KLHL28: variants seen among roughly 807,000 people sequenced by gnomAD.
The protein encoded by KLHL28 is kelch like family member 28, also known as kelch-like protein 28.
A neutral mutation model predicts 48.3 loss-of-function variants in KLHL28; 22 were observed. That is an observed-to-expected ratio of 0.46 (90% CI 0.33 to 0.65). The LOEUF (loss-of-function observed/expected upper bound fraction) is 0.65. Among genes scored for constraint, KLHL28 ranks in the 30% least tolerant of loss-of-function variants. The pLI is 0.03. For synonymous variants in KLHL28, 243 were observed against 242.4 expected, an observed-to-expected ratio of 1.00 and a Z score of -0.02; for missense variants, 527 against 704.3, an observed-to-expected ratio of 0.75 and a Z score of 2.85.
At chr14:44,944,284 A>G (rs904384856) in intron 2 of KLHL28, among the ~76,000 whole-genome samples, 3 of 152,204 alleles carry the variant, frequency 2.0e-5, no homozygotes, top group African/African-American at 7.2e-5. Flanking sequence ...CCCACTAGCT[A>G]TTTTTATAAA....
chr14:44,938,790 G>T (rs1384912567), intron 2 of KLHL28, among the ~76,000 whole-genome samples: 2 of 152,196 alleles, frequency 1.3e-5, no homozygotes, highest in Non-Finnish European at 2.9e-5. Flanking sequence ...CCATAACTTT[G>T]CTGGGCTTAG....
At position 44,927,895 on chromosome 14, in the gene KLHL28, C is replaced by A. The variant is rs750944430; in HGVS notation, c.*1133G>T. 6.6e-6 allele frequency: 1 copy of A among 152,508 alleles called. No individual in the cohort carries two copies. Among genetic ancestry groups the A allele is most frequent in the Non-Finnish European group, 1.5e-5 (1 of 67,992 alleles). The allele number at this position is 152,508 out of a possible 1,614,324, so 9.4% of individuals were successfully genotyped here. A position where few individuals can be genotyped will look rare whatever the true frequency, so the allele number is the denominator to read the frequency against. Reference sequence around the variant, plus strand: ...ATCAAAAGTGTAACTTTCTTTAAATCACTATTCAGGAACCATGAAAAGCAT... The same window carrying A: ...ATCAAAAGTGTAACTTTCTTTAAATAACTATTCAGGAACCATGAAAAGCAT... On this transcript the variant is annotated 3_prime_UTR_variant, in exon 5 of 5. Coordinates refer to ENST00000396128, the MANE Select transcript of KLHL28 (RefSeq NM_017658.5).
chr14:44,935,078 A>C (rs1883751951), intron 2 of KLHL28, among the ~76,000 whole-genome samples: 1 of 152,230 alleles, frequency 6.6e-6, no homozygotes, highest in South Asian at 2.1e-4. Context: ...GAAACAATCC[A>C]AATGTTTATC....
intron 1 of KLHL28, among the ~76,000 whole-genome samples, chr14:44,960,320 T>C (rs1055950918): frequency 2.0e-5 from 3 of 152,210 alleles, no homozygotes; most frequent in African/African-American, 7.2e-5. Flanking sequence ...AGTTCTTGGA[T>C]ACAAGAAAGA....
intron 1 of KLHL28, among the ~76,000 whole-genome samples, chr14:44,950,530 C>T (rs1230952519): frequency 1.3e-5 from 2 of 152,164 alleles, no homozygotes; most frequent in Non-Finnish European, 2.9e-5. Flanking sequence ...TAAATACACA[C>T]ATACATGTAT....
intron 1 of KLHL28, among the ~76,000 whole-genome samples, chr14:44,948,807 A>G (rs1372325870): frequency 6.6e-6 from 1 of 152,036 alleles, no homozygotes; most frequent in Non-Finnish European, 1.5e-5. Flanking sequence ...CCTTTCCTCC[A>G]ATTCAAATTC....
At chr14:44,931,723 A>T (rs1883596797) in intron 3 of KLHL28, among the ~76,000 whole-genome samples, 182 bp from the exon 4 acceptor site, 2 of 152,220 alleles carry the variant, frequency 1.3e-5, no homozygotes, top group South Asian at 4.1e-4. Context: ...CTTACCTTGT[A>T]AACAAGGTGC....
intron 1 of KLHL28, among the ~76,000 whole-genome samples, chr14:44,960,247 G>C (rs984719449): frequency 6.6e-6 from 1 of 152,176 alleles, no homozygotes. Flanking sequence ...TAAGACTTTC[G>C]AAGTTCCTTT....
intron 2 of KLHL28, among the ~76,000 whole-genome samples, chr14:44,943,237 A>G (rs561424911): frequency 6.6e-6 from 1 of 152,364 alleles, no homozygotes; most frequent in South Asian, 2.1e-4. Context: ...TTACTAATAT[A>G]ATTTACTTTA....
At chr14:44,944,179 A>C (rs978196518) in intron 2 of KLHL28, among the ~76,000 whole-genome samples, 1 of 152,246 alleles carries the variant, frequency 6.6e-6, no homozygotes, top group Non-Finnish European at 1.5e-5. Context: ...AGAAAAAGCA[A>C]AAATAACTTC....
intron 1 of KLHL28, among the ~76,000 whole-genome samples, chr14:44,949,549 G>C (rs1241221566): frequency 1.3e-5 from 2 of 152,060 alleles, no homozygotes; most frequent in African/African-American, 4.8e-5. Flanking sequence ...ATGAGGCCTA[G>C]AGGGATGCTT....
At chr14:44,957,995 A>G (rs370176029) in intron 1 of KLHL28, among the ~76,000 whole-genome samples, 1 of 152,044 alleles carries the variant, frequency 6.6e-6, no homozygotes, top group South Asian at 2.1e-4. Context: ...GATCCATGGA[A>G]CAATCATTGC....
chr14:44,928,966 C>T lies in KLHL28; in HGVS notation c.*62G>A. 6.9e-7 allele frequency: 1 copy of T among 1,458,068 alleles called. No homozygotes were observed. The highest frequency in any genetic ancestry group is 9.4e-7 in the Non-Finnish European group (1 of 1,064,858). The allele number at this position is 1,458,068 out of a possible 1,614,324, so 90.3% of individuals were successfully genotyped here. Reference sequence around the variant, plus strand: ...AGCTTGTGGGTTTCAGAAAACTGGGCCATCCGGATGTTCATGCAGTACAAG... The same window carrying T: ...AGCTTGTGGGTTTCAGAAAACTGGGTCATCCGGATGTTCATGCAGTACAAG... On this transcript the variant is annotated 3_prime_UTR_variant, in exon 5 of 5. Transcript: ENST00000396128.
intron 1 of KLHL28, 76 bp from the exon 2 acceptor site, chr14:44,946,004 G>C: frequency 8.9e-7 from 1 of 1,124,288 alleles, no homozygotes; most frequent in Non-Finnish European, 1.3e-6. Flanking sequence ...AAATAGTACA[G>C]AATAATCAGA....
intron 2 of KLHL28, among the ~76,000 whole-genome samples, chr14:44,941,585 G>A (rs73334162): frequency 0.1 from 14,843 of 145,138 alleles, 1,030 homozygotes; most frequent in African/African-American, 0.2. Context: ...CCGAGATTGC[G>A]CCACTGCACT....
intron 1 of KLHL28, among the ~76,000 whole-genome samples, chr14:44,954,017 A>C (rs887597531): frequency 6.6e-6 from 1 of 152,202 alleles, no homozygotes; most frequent in African/African-American, 2.4e-5. Context: ...TGGTTAAAGA[A>C]ATGAACAGAT....
chr14:44,944,927 A>G, intron 2 of KLHL28, 103 bp downstream of exon 2: 1 of 882,426 alleles, frequency 1.1e-6, no homozygotes, highest in East Asian at 2.5e-5. Flanking sequence ...AGCAAAGAAA[A>G]GTAAAAAGGA....
At chr14:44,932,075 T>G (rs532499525) in intron 3 of KLHL28, among the ~76,000 whole-genome samples, 55 of 151,246 alleles carry the variant, frequency 3.6e-4, no homozygotes, top group African/African-American at 1.2e-3. Flanking sequence ...TAGGCTGGAG[T>G]GCAGTGACAA....
chr14:44,934,582 T>C (rs2138591531), intron 2 of KLHL28, 24 bp from the exon 3 acceptor site: 7 of 1,507,764 alleles, frequency 4.6e-6, no homozygotes, highest in Non-Finnish European at 6.2e-6. Flanking sequence ...AGAAAAAATA[T>C]AAAATTTAAA....
Sources: gnomAD v4.1 joint callset for allele counts (sites outside exome capture counted in the v4.1 genomes callset) on GRCh38, gnomAD v4.1.1 for gene constraint, MANE v1.5 for transcripts, NCBI Gene and HGNC (gene_info 2026-07-23, HGNC 2026-07-21) for gene names.